The following CDK5RAP3 variants were observed in gnomAD, a reference collection of about 807,000 sequenced individuals.
CDK5RAP3 encodes the protein CDK5 regulatory subunit associated protein 3, also known as CDK5 regulatory subunit-associated protein 3.
CDK5RAP3 carries 58 observed loss-of-function variants against 73.3 expected under a neutral mutation model. The observed-to-expected ratio is 0.79, with a 90% CI of 0.64 to 0.98. The LOEUF is 0.98. Among genes scored for constraint, CDK5RAP3 ranks in the 50% least tolerant of loss-of-function variants. The pLI is 0.00. For missense variants in CDK5RAP3, 525 were observed against 615.8 expected (o/e 0.85, Z 1.56); for synonymous variants, 224 against 247.5 (o/e 0.91, Z 0.89).
At chr17:47,976,663 C>A in intron 8 of CDK5RAP3, 49 bp from the exon 9 acceptor site, 3 of 1,303,370 alleles carry the variant, frequency 2.3e-6, no homozygotes, top group Non-Finnish European at 3.3e-6. Flanking sequence ...CATGCCCGGC[C>A]CTTTTTAAAT....
chr17:47,975,534 A>G lies in CDK5RAP3; in HGVS notation c.534A>G (p.Glu178=). ...TCTAGGGCGAAAATGTCCGAGGAGA[A>G]CTGCTGGCCCTGGTGAAGGACCTGC... ...YGITGENVRG[E]LLALVKDLPS... Residue 178 remains glutamate (E), a synonymous_variant, in exon 7 of 14, where the codon GAA becomes GAG. Transcript: ENST00000338399. The G allele has an allele frequency of 6.2e-7, 1 of 1,611,294 alleles. No homozygotes were observed. The highest frequency in any genetic ancestry group is 8.5e-7 in the Non-Finnish European group (1 of 1,180,010).
chr17:47,975,096 A>C (rs771548925), intron 5 of CDK5RAP3, 63 bp from the exon 6 acceptor site: 10 of 1,613,268 alleles, frequency 6.2e-6, no homozygotes, highest in South Asian at 1.1e-5. Context: ...ATGTGTGTGC[A>C]TCCTGGGGCA....
intron 4 of CDK5RAP3, 61 bp downstream of exon 4, chr17:47,974,092 G>T: frequency 8.5e-7 from 1 of 1,173,650 alleles, no homozygotes; most frequent in Non-Finnish European, 1.3e-6. Context: ...AGGAGTCATA[G>T]CCTCTGTGGT....
upstream of CDK5RAP3, chr17:47,971,088 G>A: frequency 6.4e-7 from 1 of 1,551,594 alleles, no homozygotes; most frequent in Non-Finnish European, 8.7e-7. Context: ...AACGCCACTG[G>A]ATTGGTGGTA....
At position 47,973,952 on chromosome 17, in the gene CDK5RAP3, T is replaced by G; in HGVS notation, c.206T>G (p.Leu69Arg). ...SGSYIHYFHC[L>R]RILDLLKGTE... The stretch of plus-strand genomic sequence containing the variant: ...CTAGACATTCACTACTTTCACTGCC[T>G]AAGAATCCTGGACCTTCTCAAAGGC... Residue 69 changes from leucine to arginine, a missense_variant, in exon 4 of 14, where the codon CTA becomes CGA. By Grantham distance (102) the Leu-to-Arg change is moderately radical (BLOSUM62 -2). Coordinates refer to ENST00000338399, the MANE Select transcript of CDK5RAP3 (RefSeq NM_176096.3). 6.2e-7 allele frequency: 1 copy of G among 1,613,938 alleles called. No homozygotes were observed. Among genetic ancestry groups the G allele is most frequent in the East Asian group, 2.2e-5 (1 of 44,886 alleles).
At chr17:47,979,974 C>T (rs183216116) in intron 11 of CDK5RAP3, 37 of 152,888 alleles carry the variant, frequency 2.4e-4, no homozygotes, top group African/African-American at 8.7e-4. Context: ...TTCCCTGAAT[C>T]TCATTCCTCC....
chr17:47,977,837 T>A lies in CDK5RAP3; in HGVS notation c.915T>A (p.Pro305=), dbSNP rs975819068. 6.8e-6 allele frequency: 11 copies of A among 1,613,572 alleles called. No homozygotes were observed. Residue 305 remains proline (P), a synonymous_variant, in exon 10 of 14, where the codon CCT becomes CCA. Coordinates refer to ENST00000338399, the MANE Select transcript of CDK5RAP3 (RefSeq NM_176096.3). ...GIFPESDSKD[P]GGDGIDWGDD... is the part of the protein sequence containing the mutation. ...GTTCTTTGCTCTCCTTCCAGGATCC[T>A]GGAGGTGATGGGATAGACTGGGGAG...
In CDK5RAP3 at chr17:47,975,499, T is replaced by A. The variant is rs774592142; in HGVS notation, c.514-15T>A. ...TCTTCAATCTGTTGGACTCCACCTC[T>A]TCTCCCCTCTCTAGGGCGAAAATGT... is the stretch of plus-strand genomic sequence containing the variant. On this transcript the variant is annotated splice_polypyrimidine_tract_variant and intron_variant, in intron 6 of 13. Coordinates refer to ENST00000338399, the MANE Select transcript of CDK5RAP3 (RefSeq NM_176096.3). The A allele has an allele frequency of 6.2e-6, 10 of 1,610,310 alleles. No homozygotes were observed. The African/African-American group carries it at 1.3e-4, about 21-fold the overall frequency.
intron 9 of CDK5RAP3, among the ~76,000 whole-genome samples, chr17:47,977,433 C>T (rs887355803): frequency 7.9e-5 from 12 of 152,342 alleles, no homozygotes; most frequent in African/African-American, 2.6e-4. Context: ...CAGGCGTGAG[C>T]CACCGCGCCC....
intron 8 of CDK5RAP3, 24 bp from the exon 9 acceptor site, chr17:47,976,688 C>CTAACT (rs1335480288): frequency 8.6e-6 from 13 of 1,510,746 alleles, no homozygotes; most frequent in Non-Finnish European, 1.2e-5. Flanking sequence ...CTTCCATGAG[C>CTAACT]TAACACTCTC....
At chr17:47,972,203 C>T (rs1289266488) in intron 2 of CDK5RAP3, among the ~76,000 whole-genome samples, 1 of 152,270 alleles carries the variant, frequency 6.6e-6, no homozygotes, top group East Asian at 1.9e-4. Flanking sequence ...TCCAGGCCAT[C>T]TCCAGGTTGT....
rs1455192166 is a variant in CDK5RAP3 at position 47,981,167 on chromosome 17, G to A, written c.1288G>A (p.Val430Met). The A allele has an allele frequency of 1.2e-6, 2 of 1,613,994 alleles. No homozygotes were observed. The highest frequency in any genetic ancestry group is 3.3e-5 in the Admixed American group (2 of 60,020). Reference protein sequence around the residue: ...LFMILASPRYVDRVTEFLQQK... With the variant: ...LFMILASPRYMDRVTEFLQQK... ...TCACCTGAGTGCCCCGCACAGGTAT[G>A]TGGACCGAGTGACTGAATTCCTCCA... is the stretch of plus-strand genomic sequence containing the variant. Residue 430 changes from valine to methionine, a missense_variant, in exon 13 of 14, where the codon GTG (valine) becomes ATG (methionine). Physicochemically the swap from Val to Met is conservative, Grantham distance 21. Transcript: ENST00000338399.
Position 47,973,539 on chromosome 17 carries a change from C to A in CDK5RAP3, c.73C>A (p.His25Asn), listed in dbSNP as rs1398134093. 5 of 1,614,140 alleles carry A rather than the reference C, an allele frequency of 3.1e-6. No individual in the cohort carries two copies. The South Asian group carries it at 5.5e-5, about 18-fold the overall frequency. The change falls in exon 3 of 14, where the codon CAC becomes AAC. Residue 25 changes from histidine to asparagine, a missense_variant. Physicochemically the swap from His to Asn is moderately conservative, Grantham distance 68 (BLOSUM62 1). Transcript: ENST00000338399. The stretch of plus-strand genomic sequence containing the variant: ...TGTAGATTGGCTGGTGGACAGAAGG[C>A]ACTGCAGCCTGAAATGGCAGAGTCT... The part of the protein sequence containing the change: ...KLLDWLVDRR[H>N]CSLKWQSLVL...
chr17:47,979,641 C>CT (rs778420488), intron 11 of CDK5RAP3: 239 of 152,632 alleles, frequency 1.6e-3, no homozygotes, highest in Non-Finnish European at 1.7e-3. Context: ...ATCCCTGTGG[C>CT]TAAGGTGTTG....
At chr17:47,973,886 G>T in intron 3 of CDK5RAP3, 45 bp from the exon 4 acceptor site, 2 of 1,475,514 alleles carry the variant, frequency 1.4e-6, no homozygotes, top group Non-Finnish European at 1.9e-6. Flanking sequence ...CAGAGTAGGT[G>T]AAGAAGATAC....
upstream of CDK5RAP3, chr17:47,968,058 GAGAT>G (rs1285871094): frequency 6.6e-6 from 1 of 152,262 alleles, no homozygotes; most frequent in African/African-American, 2.4e-5. Flanking sequence ...TCAAGGAAGA[GAGAT>G]AGATACACCT....
In CDK5RAP3 at chr17:47,978,439, G is replaced by A. The variant is rs183487170; in HGVS notation, c.989-390G>A. The A allele has an allele frequency of 6.7e-4, 123 of 183,254 alleles. 1 individual carries two copies. The highest frequency in any genetic ancestry group is 1.2e-3 in the Non-Finnish European group (104 of 87,614). The allele number at this position is 183,254 out of a possible 1,614,324, so 11.4% of individuals were successfully genotyped here. On this transcript the variant is annotated intron_variant, in intron 10 of 13. Transcript: ENST00000338399. ...TTTAGAGACCACATGTGGGCCAGCT[G>A]TTATGGTAGGAGGGCTCTAGGGGGA... is the stretch of plus-strand genomic sequence containing the variant.
intron 12 of CDK5RAP3, 161 bp from the exon 13 acceptor site, chr17:47,981,002 G>A: frequency 1.1e-6 from 1 of 878,240 alleles, no homozygotes; most frequent in Non-Finnish European, 1.8e-6. Context: ...TAGGACAGGG[G>A]AACTGGGAGT....
intron 4 of CDK5RAP3, 183 bp downstream of exon 4, chr17:47,974,214 C>T: frequency 1.4e-6 from 1 of 709,076 alleles, no homozygotes; most frequent in Non-Finnish European, 2.4e-6. Context: ...TTTTCAAACC[C>T]ACTGCTTTAG....
Sources: gnomAD v4.1 joint callset for allele counts (sites outside exome capture counted in the v4.1 genomes callset) on GRCh38, gnomAD v4.1.1 for gene constraint, MANE v1.5 for transcripts, NCBI Gene and HGNC (gene_info 2026-07-23, HGNC 2026-07-21) for gene names.